Variants in ASAP1 observed in about 807,000 individuals in gnomAD.
The protein encoded by ASAP1 is ArfGAP with SH3 domain, ankyrin repeat and PH domain 1, also known as arf-GAP with SH3 domain, ANK repeat and PH domain-containing protein 1.
A neutral mutation model predicts 145.2 loss-of-function variants in ASAP1; 43 were observed. That is an observed-to-expected ratio of 0.30 (90% CI 0.23 to 0.38). ASAP1 has a LOEUF of 0.38. ASAP1 is among the 10% of genes least tolerant of loss of function. ASAP1 has a pLI of 1.00. For missense variants in ASAP1, 1,018 were observed against 1,355.3 expected, an observed-to-expected ratio of 0.75 and a Z score of 3.91; for synonymous variants, 546 against 515.5, an observed-to-expected ratio of 1.06 and a Z score of -0.80.
intron 3 of ASAP1, among the ~76,000 whole-genome samples, chr8:130,263,373 T>C (rs1015406381): frequency 6.6e-6 from 1 of 152,176 alleles, no homozygotes; most frequent in African/African-American, 2.4e-5. Context: ...GAGACCATGA[T>C]GGGCCATGCA....
At chr8:130,425,150 G>T (rs1046262290) in intron 1 of ASAP1, among the ~76,000 whole-genome samples, 1 of 151,822 alleles carries the variant, frequency 6.6e-6, no homozygotes, top group African/African-American at 2.4e-5. Flanking sequence ...TGGCCAACAT[G>T]GCCAAATCCC....
chr8:130,372,276 G>A (rs1023705009), intron 2 of ASAP1, among the ~76,000 whole-genome samples: 1 of 152,244 alleles, frequency 6.6e-6, no homozygotes, highest in Admixed American at 6.5e-5. Flanking sequence ...GGCTAAGGGA[G>A]AGGAGACAAG....
intron 3 of ASAP1, among the ~76,000 whole-genome samples, chr8:130,249,242 G>T (rs1207854537): frequency 6.6e-6 from 1 of 152,042 alleles, no homozygotes; most frequent in Non-Finnish European, 1.5e-5. Flanking sequence ...CTTTAAAACA[G>T]AATCAAGTGG....
At chr8:130,060,125 C>T (rs1016186053) in intron 28 of ASAP1, among the ~76,000 whole-genome samples, 10 of 147,186 alleles carry the variant, frequency 6.8e-5, no homozygotes, top group Non-Finnish European at 1.2e-4. Context: ...AGAGAAAATA[C>T]CCAGAACCCC....
At chr8:130,127,843 G>A (rs2097577370) in intron 16 of ASAP1, 84 bp downstream of exon 16, 12 of 1,505,274 alleles carry the variant, frequency 8.0e-6, no homozygotes, top group Non-Finnish European at 9.9e-6. Context: ...TAGGGGTTAA[G>A]GTTTTTCAAT....
At chr8:130,240,875 G>A (rs1818483878) in intron 3 of ASAP1, among the ~76,000 whole-genome samples, 1 of 152,122 alleles carries the variant, frequency 6.6e-6, no homozygotes, top group African/African-American at 2.4e-5. Flanking sequence ...CAGAGAAGAT[G>A]CAGGCTGCTG....
chr8:130,250,511 C>T (rs1364957680), intron 3 of ASAP1, among the ~76,000 whole-genome samples: 2 of 152,160 alleles, frequency 1.3e-5, no homozygotes, highest in African/African-American at 2.4e-5. Context: ...GAAGGGAATA[C>T]AAGTGGTAAG....
chr8:130,432,786 G>A (rs1830182434), intron 1 of ASAP1, among the ~76,000 whole-genome samples: 1 of 152,138 alleles, frequency 6.6e-6, no homozygotes, highest in African/African-American at 2.4e-5. Flanking sequence ...CACCCCCACT[G>A]CCAGGCAATT....
chr8:130,412,261 G>A (rs1008836758), intron 1 of ASAP1, among the ~76,000 whole-genome samples: 1 of 152,164 alleles, frequency 6.6e-6, no homozygotes, highest in African/African-American at 2.4e-5. Context: ...TATTGGAGGT[G>A]GGGCCTGGTG....
At chr8:130,360,067 ACT>A (rs542453445) in intron 2 of ASAP1, among the ~76,000 whole-genome samples, 2 of 152,196 alleles carry the variant, frequency 1.3e-5, no homozygotes, top group Non-Finnish European at 1.5e-5. Context: ...CACCTCATTA[ACT>A]CTCAAATATT....
At chr8:130,405,025 C>T (rs1482111130) in intron 1 of ASAP1, among the ~76,000 whole-genome samples, 1 of 151,870 alleles carries the variant, frequency 6.6e-6, no homozygotes, top group African/African-American at 2.4e-5. Context: ...CCCATAGATC[C>T]TTGAGCATGA....
intron 3 of ASAP1, among the ~76,000 whole-genome samples, chr8:130,306,803 C>T (rs1823022254): frequency 6.6e-6 from 1 of 152,108 alleles, no homozygotes; most frequent in South Asian, 2.1e-4. Flanking sequence ...ATTTGTATTC[C>T]CCATCTCTCT....
intron 3 of ASAP1, among the ~76,000 whole-genome samples, chr8:130,254,344 G>A (rs138290159): frequency 6.6e-6 from 1 of 152,166 alleles, no homozygotes; most frequent in African/African-American, 2.4e-5. Flanking sequence ...ACAAGAATGT[G>A]ACTAGTATAA....
intron 3 of ASAP1, among the ~76,000 whole-genome samples, chr8:130,288,398 A>G (rs1200794841): frequency 1.3e-5 from 2 of 152,128 alleles, no homozygotes; most frequent in African/African-American, 2.4e-5. Context: ...AATAAAGAGG[A>G]TATCTTTGAG....
rs558184716 is a variant in ASAP1 at position 130,275,161 on chromosome 8, G to A, written c.187-38167C>T. On this transcript the variant is annotated intron_variant, in intron 3 of 29. Coordinates refer to ENST00000518721, the MANE Select transcript of ASAP1 (RefSeq NM_018482.4). ...GCATATACAAAGCTCTGAGCACTCC[G>A]AAGGCACTCAACAAATGGTAGCTCC... 3.0e-4 allele frequency among the ~76,000 whole-genome samples: 46 copies of A among 152,316 alleles called. 1 individual carries two copies. The highest frequency in any genetic ancestry group is 1.1e-3 in the African/African-American group (44 of 41,576).
intron 3 of ASAP1, among the ~76,000 whole-genome samples, chr8:130,335,626 G>C (rs1184944138): frequency 6.6e-6 from 1 of 152,224 alleles, no homozygotes; most frequent in East Asian, 1.9e-4. Context: ...TGGAAAAAAA[G>C]AGTTGGGAGG....
In ASAP1 at chr8:130,187,949, A is replaced by C. The variant is rs145228307; in HGVS notation, c.480+160T>G. On this transcript the variant is annotated intron_variant, in intron 6 of 29. Coordinates refer to ENST00000518721, the MANE Select transcript of ASAP1 (RefSeq NM_018482.4). ...ATTCCTCTGTCAATACCATTATGTG[A>C]AGAGGCACATTTTTTCCAATGATCA... Among the ~76,000 whole-genome samples, 471 of 152,324 alleles carry C rather than the reference A, an allele frequency of 3.1e-3. 1 individual carries two copies. The highest frequency in any genetic ancestry group is 0.011 in the African/African-American group (456 of 41,572).
chr8:130,107,515 A>ATGT (rs1196721789), intron 24 of ASAP1, among the ~76,000 whole-genome samples: 343 of 101,724 alleles, frequency 3.4e-3, no homozygotes, highest in Middle Eastern at 5.6e-3. Flanking sequence ...TTTTTTAAAA[A>ATGT]ATGTATGTAT....
At position 130,067,227 on chromosome 8, in the gene ASAP1, T is replaced by C. The variant is rs1195698801; in HGVS notation, c.2702-6158A>G. Among the ~76,000 whole-genome samples the C allele has an allele frequency of 2.0e-5, 3 of 152,312 alleles. No individual in the cohort carries two copies. In the East Asian group the frequency reaches 5.8e-4, roughly 29 times the overall value. On this transcript the variant is annotated intron_variant, in intron 27 of 29. Coordinates refer to ENST00000518721, the MANE Select transcript of ASAP1 (RefSeq NM_018482.4). ...TAAAGGCCTGAGTACAGTTAGGATA[T>C]ATGTTTTGCACCCAGAAATGTTGGG...
Sources: gnomAD v4.1 joint callset for allele counts (sites outside exome capture counted in the v4.1 genomes callset) on GRCh38, gnomAD v4.1.1 for gene constraint, MANE v1.5 for transcripts, NCBI Gene and HGNC (gene_info 2026-07-23, HGNC 2026-07-21) for gene names.